POU2F1: variants seen among roughly 807,000 people sequenced by gnomAD.
POU2F1 encodes POU domain, class 2, transcription factor 1.
A neutral mutation model predicts 84.9 loss-of-function variants in POU2F1; 16 were observed. The ratio of observed to expected loss-of-function variants is 0.19; its 90% CI spans 0.13 to 0.29. The LOEUF (loss-of-function observed/expected upper bound fraction) is 0.29, where lower values mean the gene tolerates loss of function less well. Among genes scored for constraint, POU2F1 ranks in the 10% least tolerant of loss-of-function variants. The pLI is 1.00. For missense variants in POU2F1, 738 were observed against 942.6 expected (o/e 0.78, Z 2.84); for synonymous variants, 368 against 368.3 (o/e 1.00, Z 0.01).
chr1:167,268,569 A>G (rs754511806), intron 1 of POU2F1, among the ~76,000 whole-genome samples: 1 of 152,132 alleles, frequency 6.6e-6, no homozygotes, highest in African/African-American at 2.4e-5. Flanking sequence ...CATGGTTTCT[A>G]TTGTTGTCCA....
intron 9 of POU2F1, among the ~76,000 whole-genome samples, chr1:167,394,676 C>T (rs777630712): frequency 1.5e-4 from 23 of 152,060 alleles, no homozygotes; most frequent in Admixed American, 1.3e-4. Flanking sequence ...TTTAAATAGC[C>T]ACTTGTGGCT....
chr1:167,362,091 A>G (rs767044696), intron 2 of POU2F1, among the ~76,000 whole-genome samples: 18 of 152,048 alleles, frequency 1.2e-4, no homozygotes, highest in Non-Finnish European at 2.2e-4. Flanking sequence ...CAGTTGGGGT[A>G]TGTGTGTGTG....
At chr1:167,271,378 A>C (rs977601371) in intron 1 of POU2F1, among the ~76,000 whole-genome samples, 19 of 152,340 alleles carry the variant, frequency 1.2e-4, no homozygotes, top group African/African-American at 3.8e-4. Flanking sequence ...TTGCCTTTTC[A>C]ACAAGACACC....
At position 167,237,763 on chromosome 1, in the gene POU2F1, TATA is replaced by T. The variant is rs1649588011; in HGVS notation, c.61+16806_61+16808del. 2.2e-3 allele frequency among the ~76,000 whole-genome samples: 90 copies of T among 41,780 alleles called. 1 individual carries two copies. The highest frequency in any genetic ancestry group is 3.1e-3 in the Admixed American group (7 of 2,294). 27.4% of individuals were successfully genotyped at this position (41,780 alleles called of 152,430 possible). Reference sequence around the variant, plus strand: ...GTGTGTGTGTATATATATATATATATATATATATATTTTTTTTTTTTTTTTTTT... The same window carrying T: ...GTGTGTGTGTATATATATATATATATTATATATTTTTTTTTTTTTTTTTTT... On this transcript the variant is annotated intron_variant, in intron 1 of 15. Coordinates refer to ENST00000367866, the MANE Select transcript of POU2F1 (RefSeq NM_002697.4).
chr1:167,307,748 C>G (rs997960969), intron 1 of POU2F1, among the ~76,000 whole-genome samples: 1 of 152,078 alleles, frequency 6.6e-6, no homozygotes, highest in South Asian at 2.1e-4. Context: ...TCGACTAATC[C>G]GTAGACCCTA....
At chr1:167,406,093 C>T (rs564115028) in intron 13 of POU2F1, among the ~76,000 whole-genome samples, 6 of 152,146 alleles carry the variant, frequency 3.9e-5, no homozygotes, top group African/African-American at 1.4e-4. Context: ...TCATATTCCT[C>T]GAGAAAATAT....
intron 7 of POU2F1, among the ~76,000 whole-genome samples, chr1:167,378,180 C>T (rs7539298): frequency 0.4 from 60,423 of 152,142 alleles, 14,757 homozygotes; most frequent in East Asian, 0.69. Context: ...TATAAGTGTT[C>T]CCTTTTCTCC....
chr1:167,273,009 G>T (rs539147780), intron 1 of POU2F1, among the ~76,000 whole-genome samples: 17 of 152,262 alleles, frequency 1.1e-4, no homozygotes, highest in East Asian at 3.9e-4. Flanking sequence ...ACGGGTACAG[G>T]CATTGAGTAA....
chr1:167,394,848 A>G (rs1352168930), intron 9 of POU2F1, among the ~76,000 whole-genome samples: 1 of 152,156 alleles, frequency 6.6e-6, no homozygotes, highest in African/African-American at 2.4e-5. Flanking sequence ...TACTTTTTTA[A>G]CCCAACTACC....
chr1:167,239,597 A>G (rs1649753920), intron 1 of POU2F1, among the ~76,000 whole-genome samples: 1 of 152,226 alleles, frequency 6.6e-6, no homozygotes, highest in African/African-American at 2.4e-5. Context: ...CATTCTAGCA[A>G]GTGCTGGGAA....
chr1:167,317,518 T>C (rs1434312313), intron 1 of POU2F1, among the ~76,000 whole-genome samples: 1 of 152,190 alleles, frequency 6.6e-6, no homozygotes, highest in Non-Finnish European at 1.5e-5. Context: ...CACATATTTA[T>C]TGACAGCAAG....
intron 1 of POU2F1, among the ~76,000 whole-genome samples, chr1:167,294,471 G>T (rs937184092): frequency 6.6e-6 from 1 of 152,142 alleles, no homozygotes; most frequent in African/African-American, 2.4e-5. Flanking sequence ...AATCATCCGA[G>T]TACACAGACA....
At chr1:167,400,504 C>T (rs1358056832) in intron 12 of POU2F1, among the ~76,000 whole-genome samples, 1 of 152,178 alleles carries the variant, frequency 6.6e-6, no homozygotes, top group Non-Finnish European at 1.5e-5. Flanking sequence ...GATTAAGTGA[C>T]AATAAGTTAC....
At chr1:167,372,491 C>T (rs757936654) in intron 5 of POU2F1, among the ~76,000 whole-genome samples, 9 of 152,184 alleles carry the variant, frequency 5.9e-5, no homozygotes, top group Non-Finnish European at 1.2e-4. Context: ...GGCTTCATAT[C>T]CTAGCTCTGC....
At chr1:167,241,766 ATTG>A (rs1456872438) in intron 1 of POU2F1, among the ~76,000 whole-genome samples, 2 of 152,216 alleles carry the variant, frequency 1.3e-5, no homozygotes, top group Non-Finnish European at 2.9e-5. Context: ...TGTAGGCATC[ATTG>A]TTATGTGTTT....
At chr1:167,385,925 A>G (rs1308606822) in intron 8 of POU2F1, among the ~76,000 whole-genome samples, 2 of 152,212 alleles carry the variant, frequency 1.3e-5, no homozygotes, top group East Asian at 3.9e-4. Context: ...ATCTGATTTA[A>G]AGGAATGGGC....
At chr1:167,381,697 G>A (rs374924824) in intron 7 of POU2F1, among the ~76,000 whole-genome samples, 20 of 133,482 alleles carry the variant, frequency 1.5e-4, no homozygotes, top group Admixed American at 1.2e-3. Flanking sequence ...CACAACCTCT[G>A]CCTCCTGGGT....
intron 1 of POU2F1, 127 bp downstream of exon 1, chr1:167,221,085 GC>G: frequency 1.1e-6 from 1 of 924,334 alleles, no homozygotes; most frequent in Non-Finnish European, 1.6e-6. Context: ...GAGATGGGGG[GC>G]CGGGGAGCAT....
At chr1:167,285,851 A>G (rs1653493802) in intron 1 of POU2F1, among the ~76,000 whole-genome samples, 1 of 152,204 alleles carries the variant, frequency 6.6e-6, no homozygotes, top group Non-Finnish European at 1.5e-5. Context: ...GCTTCATGGA[A>G]GAAGTGGCAG....
Sources: gnomAD v4.1 joint callset for allele counts (sites outside exome capture counted in the v4.1 genomes callset) on GRCh38, gnomAD v4.1.1 for gene constraint, MANE v1.5 for transcripts, NCBI Gene and HGNC (gene_info 2026-07-23, HGNC 2026-07-21) for gene names.